Variants in LAMA4 observed in about 807,000 individuals in gnomAD.
The protein encoded by LAMA4 is laminin subunit alpha 4.
Under a neutral mutation model 207.1 loss-of-function variants are expected in LAMA4, and 127 were observed. The observed-to-expected ratio is 0.61, with a 90% CI of 0.53 to 0.71. The LOEUF is 0.71. Among genes scored for constraint, LAMA4 ranks in the 30% least tolerant of loss-of-function variants. The probability of loss-of-function intolerance (pLI) is 0.00; values close to 1 mark genes in which losing one functional copy is unlikely to be tolerated. For missense variants in LAMA4, 2,093 were observed against 2,246.5 expected (o/e 0.93, Z 1.38); for synonymous variants, 761 against 816.0 (o/e 0.93, Z 1.15).
At chr6:112,190,616 G>A (rs894788670) in intron 6 of LAMA4, among the ~76,000 whole-genome samples, 1 of 152,194 alleles carries the variant, frequency 6.6e-6, no homozygotes, top group South Asian at 2.1e-4. Context: ...CTTTTGAAGA[G>A]CTTCACTCTA....
intron 11 of LAMA4, among the ~76,000 whole-genome samples, chr6:112,174,431 G>C (rs1781897833): frequency 6.6e-6 from 1 of 152,190 alleles, no homozygotes; most frequent in Non-Finnish European, 1.5e-5. Context: ...AGCCTGAATT[G>C]CCAACCCATG....
At chr6:112,157,302 C>A (rs1327980379) in intron 14 of LAMA4, among the ~76,000 whole-genome samples, 5 of 139,900 alleles carry the variant, frequency 3.6e-5, no homozygotes, top group African/African-American at 1.4e-4. Flanking sequence ...GAAACAAAGC[C>A]TTTATTACTT....
intron 2 of LAMA4, among the ~76,000 whole-genome samples, chr6:112,240,035 G>A (rs1182032759): frequency 2.6e-5 from 4 of 151,936 alleles, no homozygotes; most frequent in African/African-American, 9.7e-5. Context: ...CAGCCTGGGC[G>A]ACAGAGCGAG....
chr6:112,238,485 G>C (rs1178054351), intron 2 of LAMA4, among the ~76,000 whole-genome samples: 1 of 152,066 alleles, frequency 6.6e-6, no homozygotes, highest in Non-Finnish European at 1.5e-5. Context: ...CGAGACGGTT[G>C]GATCACTTGA....
At chr6:112,253,415 TTCTACTTAAGATACCCTC>T (rs1216995972) in intron 2 of LAMA4, 7 of 289,072 alleles carry the variant, frequency 2.4e-5, no homozygotes, top group African/African-American at 1.5e-4. Context: ...AATGGCTCGT[TTCTACTTAAGATACCCTC>T]TCAGCAGTTG....
chr6:112,125,219 C>T (rs1371711250), intron 31 of LAMA4, among the ~76,000 whole-genome samples: 1 of 151,440 alleles, frequency 6.6e-6, no homozygotes. Flanking sequence ...TTGCCTTTCA[C>T]TCTATGAAGG....
chr6:112,129,055 A>G lies in LAMA4; in HGVS notation c.4154T>C (p.Val1385Ala), dbSNP rs782391241. 6.8e-6 allele frequency: 11 copies of G among 1,612,534 alleles called. No individual in the cohort carries two copies. Among genetic ancestry groups the G allele is most frequent in the Admixed American group, 1.7e-5 (1 of 59,970 alleles). ...YFTRVDRDVE[V>A]EDFQRYTEKV... ...TTCAGTATACCGTTGGAAATCTTCA[A>G]CCTCCACATCTCTATCCACCCTGTG... The change falls in exon 31 of 39, where the codon GTT becomes GCT. Residue 1385 changes from valine (V) to alanine (A), a missense_variant. By Grantham distance (64) the Val-to-Ala change is moderately conservative. Transcript: ENST00000230538.
At chr6:112,199,209 G>C (rs1554351400) in intron 5 of LAMA4, among the ~76,000 whole-genome samples, 1 of 152,096 alleles carries the variant, frequency 6.6e-6, no homozygotes, top group Non-Finnish European at 1.5e-5. Context: ...CTGATGGTTT[G>C]GGATGACAGA....
intron 31 of LAMA4, among the ~76,000 whole-genome samples, chr6:112,127,633 A>G (rs1778781042): frequency 6.6e-6 from 1 of 152,028 alleles, no homozygotes; most frequent in Non-Finnish European, 1.5e-5. Flanking sequence ...TCGGGGGGCC[A>G]TTTGAGCACA....
chr6:112,125,409 C>G (rs1257399350), intron 31 of LAMA4, among the ~76,000 whole-genome samples: 1 of 152,112 alleles, frequency 6.6e-6, no homozygotes, highest in Non-Finnish European at 1.5e-5. Context: ...GAAGTGAGGT[C>G]GTGCATCTAA....
intron 2 of LAMA4, among the ~76,000 whole-genome samples, chr6:112,247,164 G>A (rs1787013030): frequency 6.6e-6 from 1 of 152,166 alleles, no homozygotes; most frequent in Non-Finnish European, 1.5e-5. Flanking sequence ...TTTGTGTTGG[G>A]CAGCTTACAT....
chr6:112,141,136 G>A (rs1779665580), intron 21 of LAMA4, among the ~76,000 whole-genome samples: 1 of 152,024 alleles, frequency 6.6e-6, no homozygotes, highest in Non-Finnish European at 1.5e-5. Flanking sequence ...TAATCAGATC[G>A]TGATTTAGAA....
At chr6:112,247,795 C>T (rs1362758417) in intron 2 of LAMA4, among the ~76,000 whole-genome samples, 3 of 152,182 alleles carry the variant, frequency 2.0e-5, no homozygotes, top group Non-Finnish European at 4.4e-5. Flanking sequence ...CAGCAATATT[C>T]ATAGCAGCAT....
chr6:112,223,239 C>T (rs1554361172), intron 2 of LAMA4, among the ~76,000 whole-genome samples: 4 of 152,030 alleles, frequency 2.6e-5, no homozygotes, highest in African/African-American at 7.3e-5. Context: ...GGGGCAAATG[C>T]CTTGGACACA....
chr6:112,181,787 T>C lies in LAMA4; in HGVS notation c.1077+3450A>G, dbSNP rs6907109. Among the ~76,000 whole-genome samples, 69,696 of 152,096 alleles carry C rather than the reference T, an allele frequency of 0.46. 16,414 individuals are homozygous for C. Among genetic ancestry groups the C allele is most frequent in the Middle Eastern group, 0.61 (179 of 294 alleles). ...AACAGGGCCTTATTATATTTCAGGA[T>C]ACCTAGCACCTAGCACACTAACTGT... On this transcript the variant is annotated intron_variant, in intron 9 of 38. Transcript: ENST00000230538.
intron 4 of LAMA4, 61 bp from the exon 5 acceptor site, chr6:112,201,749 C>A (rs1182501010): frequency 7.3e-7 from 1 of 1,375,326 alleles, no homozygotes; most frequent in Non-Finnish European, 1.0e-6. Context: ...ACTGTCTTAA[C>A]TTTTTATCAG....
At chr6:112,141,212 G>T in intron 21 of LAMA4, 146 bp downstream of exon 21, 3 of 886,282 alleles carry the variant, frequency 3.4e-6, no homozygotes, top group Non-Finnish European at 5.6e-6. Flanking sequence ...GGAAGAAAAC[G>T]GAGCAAGAAT....
intron 38 of LAMA4, among the ~76,000 whole-genome samples, chr6:112,110,547 A>G (rs1777634219): frequency 6.6e-6 from 1 of 152,238 alleles, no homozygotes; most frequent in African/African-American, 2.4e-5. Flanking sequence ...TTATATTTAG[A>G]ATGATAATCA....
At chr6:112,242,098 G>A (rs1310287791) in intron 2 of LAMA4, among the ~76,000 whole-genome samples, 3 of 152,142 alleles carry the variant, frequency 2.0e-5, no homozygotes, top group African/African-American at 7.2e-5. Context: ...CTTCCTTCAA[G>A]GACACAGAGT....
Sources: allele counts gnomAD v4.1 joint callset (sites outside exome capture counted in the v4.1 genomes callset), GRCh38; gene constraint gnomAD v4.1.1; transcripts MANE v1.5; gene names NCBI Gene and HGNC (gene_info 2026-07-23, HGNC 2026-07-21).